PTPRG: variants seen among roughly 807,000 people sequenced by gnomAD.
PTPRG encodes receptor-type tyrosine-protein phosphatase gamma.
A neutral mutation model predicts 165.3 loss-of-function variants in PTPRG; 102 were observed. The observed-to-expected ratio is 0.62, with a 90% confidence interval of 0.53 to 0.73. PTPRG has a LOEUF of 0.73. PTPRG is among the 30% of genes least tolerant of loss of function. The pLI is 0.00. For missense variants in PTPRG, 1,866 were observed against 1,861.4 expected, an observed-to-expected ratio of 1.00 and a Z score of -0.05; for synonymous variants, 675 against 669.5, an observed-to-expected ratio of 1.01 and a Z score of -0.13.
chr3:61,696,841 C>T (rs896688519), intron 1 of PTPRG, among the ~76,000 whole-genome samples: 5 of 152,282 alleles, frequency 3.3e-5, no homozygotes, highest in Admixed American at 1.3e-4. Flanking sequence ...GGTTGATCTT[C>T]GAGTCAGACT....
Position 62,273,940 on chromosome 3 carries a change from C to G in PTPRG, c.3465+96C>G. On this transcript the variant is annotated intron_variant, in intron 23 of 29. Coordinates refer to ENST00000474889, the MANE Select transcript of PTPRG (RefSeq NM_002841.4). This position sits in a 1 kb window ranked among gnomAD's most constrained non-coding sequence, Gnocchi z 4.1. ...TGTCTTCTTTGCATTAATGTATACA[C>G]CGAAATGGATTACTATTTGTACTCC... 1 of 1,209,390 alleles carries G rather than the reference C, an allele frequency of 8.3e-7. No individual in the cohort carries two copies. The highest frequency in any genetic ancestry group is 1.5e-5 in the African/African-American group (1 of 65,854). 74.9% of individuals were successfully genotyped at this position (1,209,390 alleles called of 1,614,324 possible). A position where few individuals can be genotyped will look rare whatever the true frequency, so the allele number is the denominator to read the frequency against.
At chr3:61,582,806 C>T (rs1185364215) in intron 1 of PTPRG, among the ~76,000 whole-genome samples, 3 of 152,132 alleles carry the variant, frequency 2.0e-5, no homozygotes, top group East Asian at 1.9e-4. Context: ...TTAGTGGAAA[C>T]GCCATGTGTT....
intron 2 of PTPRG, among the ~76,000 whole-genome samples, chr3:61,934,737 CT>C (rs1360592194): frequency 6.6e-6 from 1 of 152,168 alleles, no homozygotes; most frequent in Non-Finnish European, 1.5e-5. Flanking sequence ...ACATCCCTAG[CT>C]GCAAGGGAAG....
At chr3:61,856,921 T>C (rs1394320448) in intron 2 of PTPRG, among the ~76,000 whole-genome samples, 1 of 152,220 alleles carries the variant, frequency 6.6e-6, no homozygotes, top group Non-Finnish European at 1.5e-5. Context: ...TACTGCTATA[T>C]GATGTCTTGA....
intron 1 of PTPRG, among the ~76,000 whole-genome samples, chr3:61,676,548 TCACA>T (rs1023549171): frequency 6.6e-6 from 1 of 151,410 alleles, no homozygotes; most frequent in Non-Finnish European, 1.5e-5. Context: ...TATTTTACTT[TCACA>T]CACACACAAA....
At chr3:61,849,450 C>A (rs957387453) in intron 2 of PTPRG, among the ~76,000 whole-genome samples, 1 of 152,116 alleles carries the variant, frequency 6.6e-6, no homozygotes, top group Admixed American at 6.5e-5. Context: ...TAGGATTCAA[C>A]GTATTTGAAA....
At chr3:61,908,539 GTT>G (rs1368825290) in intron 2 of PTPRG, among the ~76,000 whole-genome samples, 1 of 152,096 alleles carries the variant, frequency 6.6e-6, no homozygotes, top group Non-Finnish European at 1.5e-5. Flanking sequence ...CGTGGTTAGA[GTT>G]TGAGTAATTT....
At chr3:61,654,113 C>A (rs557523369) in intron 1 of PTPRG, among the ~76,000 whole-genome samples, 196 of 152,180 alleles carry the variant, frequency 1.3e-3, no homozygotes, top group Non-Finnish European at 2.1e-3. Context: ...TACTCTTGTG[C>A]CTTATAGTGT....
intron 6 of PTPRG, among the ~76,000 whole-genome samples, chr3:62,146,402 C>G (rs1225710134): frequency 6.6e-6 from 1 of 152,108 alleles, no homozygotes; most frequent in African/African-American, 2.4e-5. Flanking sequence ...ATAAGGTGGA[C>G]TGTCTCCCTC....
rs930760249 is a variant in PTPRG, at chr3:61,565,762, T to A, written c.85+3390T>A. ...GCTGTGTACCTTGGATGTGTCAGAA[T>A]TGGAGGCTCCATGATTAATGTCGGG... On this transcript the variant is annotated intron_variant, in intron 1 of 29. Coordinates refer to ENST00000474889, the MANE Select transcript of PTPRG (RefSeq NM_002841.4). Among the ~76,000 whole-genome samples the A allele has an allele frequency of 7.9e-5, 12 of 151,374 alleles. No individual in the cohort carries two copies. In the Admixed American group the frequency reaches 7.9e-4, roughly 10 times the overall value.
At chr3:61,820,947 C>A (rs1480344716) in intron 2 of PTPRG, among the ~76,000 whole-genome samples, 2 of 151,766 alleles carry the variant, frequency 1.3e-5, no homozygotes, top group African/African-American at 4.8e-5. Flanking sequence ...GATTTTTTTT[C>A]ATTACGCCAA....
chr3:61,600,188 ATATATGTGTG>A (rs1700820977), intron 1 of PTPRG, among the ~76,000 whole-genome samples: 1 of 133,278 alleles, frequency 7.5e-6, no homozygotes, highest in Admixed American at 7.6e-5. Flanking sequence ...ATATATATAT[ATATATGTGTG>A]TGTGTGTGTG....
chr3:62,070,982 G>A (rs1178840251), intron 4 of PTPRG, among the ~76,000 whole-genome samples: 2 of 151,376 alleles, frequency 1.3e-5, no homozygotes, highest in Non-Finnish European at 2.9e-5. Flanking sequence ...CACCTCCTCA[G>A]TTCTGTTGTC....
intron 1 of PTPRG, among the ~76,000 whole-genome samples, chr3:61,593,825 T>C (rs1418765741): frequency 1.3e-5 from 2 of 152,284 alleles, no homozygotes; most frequent in South Asian, 2.1e-4. Context: ...ATCTAATTAA[T>C]AGCTAGCTGG....
At chr3:62,053,488 A>G (rs774141493) in intron 4 of PTPRG, among the ~76,000 whole-genome samples, 1 of 152,110 alleles carries the variant, frequency 6.6e-6, no homozygotes, top group East Asian at 1.9e-4. Flanking sequence ...GCTGGTCTTC[A>G]TCTCCTGACC....
chr3:62,003,208 G>A, intron 3 of PTPRG, 141 bp from the exon 4 acceptor site: 1 of 913,642 alleles, frequency 1.1e-6, no homozygotes, highest in Non-Finnish European at 1.6e-6. Flanking sequence ...TCAGGCGGGT[G>A]TGTTCAACAT....
chr3:61,669,038 C>A (rs1029606172), intron 1 of PTPRG, among the ~76,000 whole-genome samples: 14 of 152,024 alleles, frequency 9.2e-5, no homozygotes, highest in African/African-American at 3.4e-4. Flanking sequence ...CAGTTTTGTC[C>A]CCTGGTAAAA....
chr3:62,096,092 T>C (rs1361032726), intron 5 of PTPRG, among the ~76,000 whole-genome samples: 6 of 151,624 alleles, frequency 4.0e-5, no homozygotes, highest in Non-Finnish European at 8.8e-5. Flanking sequence ...TGGAGAGAAG[T>C]AGGGGAGGAC....
intron 4 of PTPRG, among the ~76,000 whole-genome samples, chr3:62,074,498 C>A (rs908201998): frequency 6.6e-6 from 1 of 151,522 alleles, no homozygotes. Context: ...TGGGACTACA[C>A]TCACCACTCC....
Sources: gnomAD v4.1 joint callset for allele counts (sites outside exome capture counted in the v4.1 genomes callset) on GRCh38, gnomAD v4.1.1 for gene constraint, Gnocchi (gnomAD v3.1) non-coding constraint, MANE v1.5 for transcripts, NCBI Gene and HGNC (gene_info 2026-07-23, HGNC 2026-07-21) for gene names.